Variants in AMPH observed in about 807,000 individuals in gnomAD.
The protein encoded by AMPH is amphiphysin (Stiff-Mann syndrome with breast cancer 128kD autoantigen).
AMPH carries 49 observed loss-of-function variants against 99.1 expected under a neutral mutation model. The ratio of observed to expected loss-of-function variants is 0.49; its 90% confidence interval spans 0.39 to 0.63. The LOEUF (loss-of-function observed/expected upper bound fraction) is 0.63, where lower values mean the gene tolerates loss of function less well. Ranked by LOEUF, AMPH falls within the 20% of genes least tolerant of loss-of-function variation. The probability of loss-of-function intolerance (pLI) is 0.00; values close to 1 mark genes in which losing one functional copy is unlikely to be tolerated. For synonymous variants in AMPH, 314 were observed against 317.3 expected (o/e 0.99, Z 0.11); for missense variants, 759 against 863.4 (o/e 0.88, Z 1.52).
At chr7:38,516,488 T>C (rs1488527504) in intron 2 of AMPH, among the ~76,000 whole-genome samples, 5 of 152,224 alleles carry the variant, frequency 3.3e-5, no homozygotes, top group Admixed American at 1.3e-4. Context: ...AGCTGAGGCA[T>C]GGGAGCCTCT....
intron 1 of AMPH, among the ~76,000 whole-genome samples, chr7:38,605,564 GTTTTTTCTTTTTCT>G (rs201632389): frequency 0.048 from 7,221 of 151,016 alleles, 240 homozygotes; most frequent in African/African-American, 0.086. Flanking sequence ...TTTTCTTTTC[GTTTTTTCTTTTTCT>G]TTTTTTCTTT....
At chr7:38,515,533 A>G (rs1397618803) in intron 2 of AMPH, among the ~76,000 whole-genome samples, 1 of 152,232 alleles carries the variant, frequency 6.6e-6, no homozygotes, top group Non-Finnish European at 1.5e-5. Context: ...AGACTGTGGA[A>G]CTGTGAACCA....
At chr7:38,587,881 C>A (rs1792711997) in intron 1 of AMPH, among the ~76,000 whole-genome samples, 1 of 151,340 alleles carries the variant, frequency 6.6e-6, no homozygotes, top group Non-Finnish European at 1.5e-5. Context: ...TCCACAGCTT[C>A]AAAATGCTGA....
chr7:38,499,396 C>T (rs909293978), intron 3 of AMPH, among the ~76,000 whole-genome samples: 3 of 152,048 alleles, frequency 2.0e-5, no homozygotes, highest in Non-Finnish European at 4.4e-5. Flanking sequence ...GGGAAGCCAC[C>T]CAGAGATCAG....
intron 12 of AMPH, among the ~76,000 whole-genome samples, chr7:38,433,455 G>A (rs1417087765): frequency 9.2e-5 from 14 of 152,124 alleles, no homozygotes; most frequent in Non-Finnish European, 1.8e-4. Flanking sequence ...GCCGGGCGCG[G>A]TGGCTCACGC....
At chr7:38,405,712 G>A (rs952750449) in intron 17 of AMPH, among the ~76,000 whole-genome samples, 1 of 152,064 alleles carries the variant, frequency 6.6e-6, no homozygotes. Context: ...AGAGCACCCA[G>A]ATTTATAAAA....
intron 1 of AMPH, among the ~76,000 whole-genome samples, chr7:38,539,680 T>A (rs1470203603): frequency 1.3e-5 from 2 of 152,062 alleles, no homozygotes; most frequent in Non-Finnish European, 2.9e-5. Flanking sequence ...TGGGGTGAGG[T>A]CACGGGAAAG....
chr7:38,512,822 A>T (rs551186799), intron 2 of AMPH, among the ~76,000 whole-genome samples: 4 of 152,326 alleles, frequency 2.6e-5, no homozygotes, highest in African/African-American at 9.6e-5. Flanking sequence ...AAAATAAATA[A>T]GAATAAAGAG....
intron 1 of AMPH, among the ~76,000 whole-genome samples, chr7:38,603,480 C>T (rs1401222626): frequency 6.6e-6 from 1 of 152,124 alleles, no homozygotes; most frequent in Non-Finnish European, 1.5e-5. Context: ...TTCTCTCAAC[C>T]TCCTTTGGAC....
At chr7:38,569,306 G>T (rs750392743) in intron 1 of AMPH, among the ~76,000 whole-genome samples, 3 of 150,376 alleles carry the variant, frequency 2.0e-5, no homozygotes, top group Non-Finnish European at 4.4e-5. Context: ...CACTAAGTAT[G>T]CAATTTACAA....
chr7:38,501,594 C>A (rs1396901540), intron 3 of AMPH, among the ~76,000 whole-genome samples: 2 of 152,000 alleles, frequency 1.3e-5, no homozygotes, highest in Admixed American at 1.3e-4. Context: ...TCATAAATAT[C>A]TTTTAGTTTA....
intron 1 of AMPH, among the ~76,000 whole-genome samples, chr7:38,626,926 T>C (rs750109770): frequency 3.3e-5 from 5 of 152,234 alleles, no homozygotes; most frequent in Admixed American, 6.5e-5. Context: ...CATAAAAATG[T>C]TAAACAAATA....
chr7:38,543,434 G>C (rs1055963108), intron 1 of AMPH, among the ~76,000 whole-genome samples: 1 of 152,118 alleles, frequency 6.6e-6, no homozygotes, highest in Non-Finnish European at 1.5e-5. Flanking sequence ...GAAGCAGATA[G>C]ATAGAATATG....
intron 1 of AMPH, among the ~76,000 whole-genome samples, chr7:38,582,715 T>C (rs1483948984): frequency 6.6e-6 from 1 of 152,182 alleles, no homozygotes; most frequent in Admixed American, 6.5e-5. Context: ...AATGGCTGAG[T>C]AGACAGACAG....
At chr7:38,447,138 G>A (rs2276537) in intron 11 of AMPH, among the ~76,000 whole-genome samples, 16,916 of 151,996 alleles carry the variant, frequency 0.11, 1,342 homozygotes, top group East Asian at 0.28. Flanking sequence ...TCCTGCCTCC[G>A]CCTCTCAAGT....
intron 17 of AMPH, among the ~76,000 whole-genome samples, chr7:38,411,240 T>C (rs1342565600): frequency 2.6e-5 from 4 of 152,224 alleles, no homozygotes; most frequent in Non-Finnish European, 5.9e-5. Flanking sequence ...ATGACAATGC[T>C]ACTGCTCCCT....
intron 1 of AMPH, among the ~76,000 whole-genome samples, chr7:38,571,074 A>G (rs1325753530): frequency 2.0e-5 from 1 of 50,804 alleles, no homozygotes; most frequent in South Asian, 5.0e-4. Flanking sequence ...ATATATATAG[A>G]ATATATATAT....
At chr7:38,441,761 C>CAT (rs1318185646) in intron 11 of AMPH, among the ~76,000 whole-genome samples, 1 of 124,818 alleles carries the variant, frequency 8.0e-6, no homozygotes, top group Non-Finnish European at 1.8e-5. Context: ...ATATATATAT[C>CAT]ATATATATGA....
At chr7:38,604,610 G>C (rs1417447112) in intron 1 of AMPH, among the ~76,000 whole-genome samples, 1 of 152,174 alleles carries the variant, frequency 6.6e-6, no homozygotes, top group Non-Finnish European at 1.5e-5. Context: ...TGGAGCCTCA[G>C]CTTCCTCAAT....
Sources: gnomAD v4.1 joint callset for allele counts (sites outside exome capture counted in the v4.1 genomes callset) on GRCh38, gnomAD v4.1.1 for gene constraint, MANE v1.5 for transcripts, NCBI Gene and HGNC (gene_info 2026-07-23, HGNC 2026-07-21) for gene names.